The following NCKAP5 variants were observed in gnomAD, a reference collection of about 807,000 sequenced individuals.
NCKAP5 encodes the protein NCK associated protein 5.
Under a neutral mutation model 167.0 loss-of-function variants are expected in NCKAP5, and 92 were observed. That is an observed-to-expected ratio of 0.55 (90% CI 0.47 to 0.66). NCKAP5 has a LOEUF of 0.66. Among genes scored for constraint, NCKAP5 ranks in the 30% least tolerant of loss-of-function variants. NCKAP5 has a pLI of 0.00. For synonymous variants in NCKAP5, 891 were observed against 877.4 expected (o/e 1.02, Z -0.27); for missense variants, 2,378 against 2,315.0 (o/e 1.03, Z -0.56).
chr2:132,773,869 T>C lies in NCKAP5; in HGVS notation c.5075A>G (p.Gln1692Arg). The C allele has an allele frequency of 6.2e-7, 1 of 1,610,758 alleles. No homozygotes were observed. The highest frequency in any genetic ancestry group is 8.5e-7 in the Non-Finnish European group (1 of 1,179,008). The stretch of plus-strand genomic sequence containing the variant: ...TGCAACTGCATCGTCTTCATCCTCT[T>C]GCAAGTTTTCATTTGCCTCTTTTAC... ...SLVKEANENLQEDEDDAVADS... is the reference protein window; with the variant it reads ...SLVKEANENLREDEDDAVADS... Residue 1692 changes from glutamine (Q) to arginine (R), a missense_variant, in exon 16 of 20, where the codon CAA becomes CGA. This residue lies in a region of NCKAP5 where 1,325 missense variants were observed against 1,274.5 expected (regional missense o/e 1.04). Coordinates refer to ENST00000409261, the MANE Select transcript of NCKAP5 (RefSeq NM_207363.3).
intron 3 of NCKAP5, 108 bp from the exon 4 acceptor site, chr2:133,303,218 T>G: frequency 1.4e-6 from 1 of 710,090 alleles, no homozygotes; most frequent in Non-Finnish European, 2.5e-6. Context: ...TTATCCCTAC[T>G]TCCCTTCCGG....
At chr2:133,062,904 G>A (rs2080057389) in intron 6 of NCKAP5, among the ~76,000 whole-genome samples, 2 of 152,070 alleles carry the variant, frequency 1.3e-5, no homozygotes, top group Non-Finnish European at 2.9e-5. Flanking sequence ...AAAAAATAAC[G>A]AGATTAAATT....
intron 6 of NCKAP5, among the ~76,000 whole-genome samples, chr2:133,084,839 C>T (rs1041495108): frequency 6.6e-6 from 1 of 152,100 alleles, no homozygotes; most frequent in Non-Finnish European, 1.5e-5. Context: ...AATTTCAAAT[C>T]GTTTTTCATA....
chr2:133,096,180 C>T (rs578078367), intron 6 of NCKAP5, among the ~76,000 whole-genome samples: 2 of 152,208 alleles, frequency 1.3e-5, no homozygotes, highest in African/African-American at 4.8e-5. Context: ...GCAGTGTTGG[C>T]AAACCTGATA....
At chr2:133,557,054 A>T (rs1270640029) in intron 2 of NCKAP5, among the ~76,000 whole-genome samples, 1 of 152,236 alleles carries the variant, frequency 6.6e-6, no homozygotes, top group African/African-American at 2.4e-5. Context: ...AATGAGCAAC[A>T]GAATACAAAC....
At chr2:133,141,530 G>T (rs538392320) in intron 5 of NCKAP5, among the ~76,000 whole-genome samples, 1 of 151,920 alleles carries the variant, frequency 6.6e-6, no homozygotes, top group Admixed American at 6.6e-5. Flanking sequence ...TAGAGTATTC[G>T]CTATAATTAT....
chr2:133,490,921 G>A (rs930020543), intron 3 of NCKAP5, among the ~76,000 whole-genome samples: 1 of 152,202 alleles, frequency 6.6e-6, no homozygotes. Context: ...CTGTTAAGAG[G>A]AGTAAGTTTC....
intron 10 of NCKAP5, among the ~76,000 whole-genome samples, chr2:132,866,935 T>C (rs1050340575): frequency 6.6e-6 from 1 of 152,194 alleles, no homozygotes; most frequent in Non-Finnish European, 1.5e-5. Flanking sequence ...CCATAAAAAC[T>C]GGAGGCACAC....
chr2:133,256,085 T>C (rs1456911270), intron 4 of NCKAP5, among the ~76,000 whole-genome samples: 3 of 152,182 alleles, frequency 2.0e-5, no homozygotes, highest in Non-Finnish European at 4.4e-5. Flanking sequence ...GATGAAATAA[T>C]TGGAAATTTT....
chr2:133,317,169 A>C (rs924738207), intron 3 of NCKAP5, among the ~76,000 whole-genome samples: 1 of 152,164 alleles, frequency 6.6e-6, no homozygotes, highest in African/African-American at 2.4e-5. Flanking sequence ...AAGCAAACCA[A>C]AAGTCATAAA....
chr2:133,130,343 C>T (rs577014401), intron 5 of NCKAP5, among the ~76,000 whole-genome samples: 5 of 152,262 alleles, frequency 3.3e-5, no homozygotes, highest in Non-Finnish European at 7.3e-5. Context: ...TAGATCTTGA[C>T]TCCCAGGTGA....
In NCKAP5 at chr2:132,783,862, A is replaced by G. The variant is rs759728860; in HGVS notation, c.2949T>C (p.Ser983=). 1.3e-6 allele frequency: 2 copies of G among 1,530,332 alleles called. No individual in the cohort carries two copies. The highest frequency in any genetic ancestry group is 1.8e-6 in the Non-Finnish European group (2 of 1,140,984). 94.8% of individuals were successfully genotyped at this position (1,530,332 alleles called of 1,614,324 possible). ...LLKGISAPVI[S]SNPATTEVQR... ...GCACTTCTGTCGTGGCCGGATTAGA[A>G]GAAATAACTGGAGCAGAAATTCCTT... The change falls in exon 14 of 20, where the codon TCT becomes TCC. Residue 983 remains serine (S), a synonymous_variant. Coordinates refer to ENST00000409261, the MANE Select transcript of NCKAP5 (RefSeq NM_207363.3).
At chr2:133,097,966 T>C (rs1002593276) in intron 6 of NCKAP5, among the ~76,000 whole-genome samples, 8 of 152,198 alleles carry the variant, frequency 5.3e-5, no homozygotes, top group Non-Finnish European at 1.2e-4. Flanking sequence ...AGCTCCATGA[T>C]GGCAGGCACC....
In NCKAP5 at chr2:133,474,546, G is replaced by T. The variant is rs373500640; in HGVS notation, c.69+42912C>A. On this transcript the variant is annotated intron_variant, in intron 3 of 19. Transcript: ENST00000409261. Reference sequence around the variant, plus strand: ...ATATTTGAAAATTGATAAGGGAATAGATTTTAAGTGTTCTCATATTAAAAT... The same window carrying T: ...ATATTTGAAAATTGATAAGGGAATATATTTTAAGTGTTCTCATATTAAAAT... 9.6e-4 allele frequency among the ~76,000 whole-genome samples: 146 copies of T among 152,196 alleles called. 1 individual carries two copies. The highest frequency in any genetic ancestry group is 3.4e-3 in the Middle Eastern group (1 of 294).
chr2:133,504,702 T>G (rs1244963465), intron 3 of NCKAP5, among the ~76,000 whole-genome samples: 1 of 152,116 alleles, frequency 6.6e-6, no homozygotes, highest in Non-Finnish European at 1.5e-5. Flanking sequence ...AGATAGCCAG[T>G]TTTCCCAAGT....
chr2:132,732,921 C>A (rs941239698), intron 16 of NCKAP5, among the ~76,000 whole-genome samples: 2 of 152,170 alleles, frequency 1.3e-5, no homozygotes, highest in Non-Finnish European at 2.9e-5. Flanking sequence ...CTTCATTCGA[C>A]CCAGCTGAGA....
chr2:133,217,676 A>G (rs1431792648), intron 4 of NCKAP5, among the ~76,000 whole-genome samples: 3 of 152,086 alleles, frequency 2.0e-5, no homozygotes, highest in African/African-American at 2.4e-5. Flanking sequence ...CATCTCTTTA[A>G]CACTACTAAG....
chr2:133,313,122 G>A (rs982224664), intron 3 of NCKAP5, among the ~76,000 whole-genome samples: 1 of 152,114 alleles, frequency 6.6e-6, no homozygotes, highest in Non-Finnish European at 1.5e-5. Flanking sequence ...CCCTCAGAGT[G>A]GATTTTATGT....
chr2:133,478,174 T>C (rs1680103003), intron 3 of NCKAP5, among the ~76,000 whole-genome samples: 1 of 152,182 alleles, frequency 6.6e-6, no homozygotes, highest in Non-Finnish European at 1.5e-5. Flanking sequence ...CTCTTTTAGA[T>C]ATTGTTCTCT....
Sources: gnomAD v4.1 joint callset for allele counts (sites outside exome capture counted in the v4.1 genomes callset) on GRCh38, gnomAD v4.1.1 for gene constraint, gnomAD v4.1.1 regional missense constraint, MANE v1.5 for transcripts, NCBI Gene and HGNC (gene_info 2026-07-23, HGNC 2026-07-21) for gene names.